COPA: variants seen among roughly 807,000 people sequenced by gnomAD.
COPA encodes coatomer subunit alpha.
A neutral mutation model predicts 158.7 loss-of-function variants in COPA; 10 were observed. The observed-to-expected ratio is 0.06, with a 90% CI of 0.04 to 0.11. The LOEUF (loss-of-function observed/expected upper bound fraction) is 0.11. Among genes scored for constraint, COPA ranks in the 10% least tolerant of loss-of-function variants. COPA has a pLI of 1.00. For synonymous variants in COPA, 462 were observed against 542.8 expected, an observed-to-expected ratio of 0.85 and a Z score of 2.07; for missense variants, 1,065 against 1,536.7, an observed-to-expected ratio of 0.69 and a Z score of 5.13.
At chr1:160,309,014 G>A in intron 13 of COPA, 87 bp downstream of exon 13, 1 of 1,059,414 alleles carries the variant, frequency 9.4e-7, no homozygotes. Context: ...CATGGCTTGG[G>A]GATGGAATGT....
chr1:160,294,797 C>T lies in COPA; in HGVS notation c.2537G>A (p.Gly846Glu). 1 of 1,614,212 alleles carries T rather than the reference C, an allele frequency of 6.2e-7. No individual in the cohort carries two copies. Among genetic ancestry groups the T allele is most frequent in the South Asian group, 1.1e-5 (1 of 91,084 alleles). ...DIDTVGTEGW[G>E]EDAELQLDED... ...ATCCAACTGCAGCTCTGCATCCTCTCCCCAGCCCTCTGTACCAACAGTGTC... is the reference window on the plus strand; with the variant it reads ...ATCCAACTGCAGCTCTGCATCCTCTTCCCAGCCCTCTGTACCAACAGTGTC... Residue 846 changes from glycine to glutamate, a missense_variant, in exon 24 of 33, where the codon GGA becomes GAA. Physicochemically the swap from Gly to Glu is moderately conservative, Grantham distance 98. This residue lies in a region of COPA where 980 missense variants were observed against 1,357.8 expected (regional missense o/e 0.72). Transcript: ENST00000241704.
In COPA at chr1:160,297,636, C is replaced by T. The variant is rs373887625; in HGVS notation, c.2087G>A (p.Arg696His). 18 of 1,614,008 alleles carry T rather than the reference C, an allele frequency of 1.1e-5. No homozygotes were observed. The highest frequency in any genetic ancestry group is 4.5e-5 in the East Asian group (2 of 44,896). Residue 696 changes from arginine (R) to histidine (H), a missense_variant, in exon 20 of 33, where the codon CGT becomes CAT. Coordinates refer to ENST00000241704, the MANE Select transcript of COPA (RefSeq NM_004371.4). ...GGAAAGTTTGTCAAAGTTTTTGGTA[C>T]GCTGATAGCACATTTCCACAATCTG... ...NHQIVEMCYQRTKNFDKLSFL... is the reference protein window; with the variant it reads ...NHQIVEMCYQHTKNFDKLSFL...
At chr1:160,324,457 ATTTTT>A (rs36119799) in intron 7 of COPA, among the ~76,000 whole-genome samples, 3 of 131,902 alleles carry the variant, frequency 2.3e-5, no homozygotes, top group African/African-American at 2.9e-5. Context: ...CGCCCAGCTA[ATTTTT>A]TTTTTTTTTT....
intron 8 of COPA, chr1:160,317,728 T>G: frequency 7.4e-7 from 1 of 1,357,324 alleles, no homozygotes. Flanking sequence ...ATTTTTTTTC[T>G]TTTCCCTCAA....
At chr1:160,337,207 A>G (rs946419009) in intron 3 of COPA, among the ~76,000 whole-genome samples, 1 of 152,178 alleles carries the variant, frequency 6.6e-6, no homozygotes, top group Non-Finnish European at 1.5e-5. Context: ...TCAAGCTCCA[A>G]AACTGTAAAT....
chr1:160,310,943 A>G (rs1311437028), intron 11 of COPA, among the ~76,000 whole-genome samples: 1 of 152,154 alleles, frequency 6.6e-6, no homozygotes, highest in Non-Finnish European at 1.5e-5. Context: ...TCTATCAAGA[A>G]ACTTCCTCTG....
chr1:160,330,225 G>T (rs893387854), intron 6 of COPA, among the ~76,000 whole-genome samples: 1 of 152,062 alleles, frequency 6.6e-6, no homozygotes, highest in African/African-American at 2.4e-5. Flanking sequence ...CTTTGAATGT[G>T]TGCACAGTGA....
At chr1:160,310,060 T>C (rs1658915294) in intron 12 of COPA, 132 bp downstream of exon 12, 1 of 512,808 alleles carries the variant, frequency 2.0e-6, no homozygotes, top group Non-Finnish European at 3.5e-6. Flanking sequence ...AGTCTCTGAG[T>C]GATCACTGTG....
intron 12 of COPA, 139 bp downstream of exon 12, chr1:160,310,051 GTC>G: frequency 2.0e-6 from 1 of 499,206 alleles, no homozygotes; most frequent in East Asian, 3.2e-5. Context: ...CCTGATTTGA[GTC>G]TCTGAGTGAT....
chr1:160,308,799 C>A, intron 13 of COPA: 1 of 299,020 alleles, frequency 3.3e-6, no homozygotes, highest in Non-Finnish European at 6.2e-6. Flanking sequence ...ATGAAACTAC[C>A]AGGGTGAAAG....
Position 160,326,595 on chromosome 1 carries a change from T to TG in COPA, c.497-944dup, listed in dbSNP as rs1039332280. On this transcript the variant is annotated intron_variant, in intron 6 of 32. Coordinates refer to ENST00000241704, the MANE Select transcript of COPA (RefSeq NM_004371.4). ...CAACTTGAAGCCTTTCGACAGCTGA[T>TG]GGGGGAAGTTCCAAATGGGTTACAG... Among the ~76,000 whole-genome samples the TG allele has an allele frequency of 9.9e-5, 15 of 152,274 alleles. 1 individual carries two copies. Among genetic ancestry groups the TG allele is most frequent in the African/African-American group, 3.4e-4 (14 of 41,564 alleles).
At chr1:160,335,883 CAA>C (rs10562824) in intron 3 of COPA, among the ~76,000 whole-genome samples, 1,711 of 67,954 alleles carry the variant, frequency 0.025, 7 homozygotes, top group African/African-American at 0.033. Flanking sequence ...GACTCAGTCT[CAA>C]AAAAAAAAAA....
chr1:160,297,471 TTTCTC>T (rs761567559), intron 20 of COPA, 33 bp from the exon 21 acceptor site: 499 of 1,613,254 alleles, frequency 3.1e-4, no homozygotes, highest in Non-Finnish European at 4.0e-4. Context: ...AGTTAGGTCT[TTTCTC>T]TTAAGTTCTC....
chr1:160,314,143 T>A lies in COPA; in HGVS notation c.707-18A>T. 1 of 1,607,504 alleles carries A rather than the reference T, an allele frequency of 6.2e-7. No homozygotes were observed. The highest frequency in any genetic ancestry group is 1.7e-4 in the Middle Eastern group (1 of 6,034). On this transcript the variant is annotated intron_variant, in intron 8 of 32. Transcript: ENST00000241704. The stretch of plus-strand genomic sequence containing the variant: ...CTTTGATTCTGAAGGACAAAAAGAA[T>A]TAGGTCATCACAATTCCCTACTACT...
intron 13 of COPA, 110 bp downstream of exon 13, chr1:160,308,991 T>A: frequency 1.2e-6 from 1 of 821,948 alleles, no homozygotes; most frequent in South Asian, 1.5e-5. Flanking sequence ...CCAACAGACA[T>A]GAGTGATGTG....
intron 24 of COPA, 30 bp downstream of exon 24, chr1:160,294,738 C>G: frequency 6.2e-7 from 1 of 1,612,212 alleles, no homozygotes; most frequent in Non-Finnish European, 8.5e-7. Context: ...TGTCCATCAC[C>G]CCAGAACAGT....
chr1:160,325,715 A>G, intron 6 of COPA, 63 bp from the exon 7 acceptor site: 3 of 1,136,860 alleles, frequency 2.6e-6, no homozygotes, highest in Non-Finnish European at 4.0e-6. Context: ...ACAGCACAGT[A>G]TCAGAAACAC....
At chr1:160,292,935 A>G (rs1658288288) in intron 27 of COPA, among the ~76,000 whole-genome samples, 1 of 152,184 alleles carries the variant, frequency 6.6e-6, no homozygotes, top group South Asian at 2.1e-4. Context: ...CCAGAAAGCA[A>G]GCTATAAATG....
At chr1:160,321,010 G>A (rs75990802) in intron 8 of COPA, among the ~76,000 whole-genome samples, 1 of 152,034 alleles carries the variant, frequency 6.6e-6, no homozygotes, top group Non-Finnish European at 1.5e-5. Flanking sequence ...CTAAGATCAA[G>A]TGGGATTCAT....
Sources: allele counts gnomAD v4.1 joint callset (sites outside exome capture counted in the v4.1 genomes callset), GRCh38; gene constraint gnomAD v4.1.1; regional missense constraint gnomAD v4.1.1; transcripts MANE v1.5; gene names NCBI Gene and HGNC (gene_info 2026-07-23, HGNC 2026-07-21).